Variants in DACH1 observed in about 807,000 individuals in gnomAD.
DACH1 encodes the protein dachshund family transcription factor 1.
In DACH1, 12 loss-of-function variants were observed where a neutral mutation model predicts 54.2. The ratio of observed to expected loss-of-function variants is 0.22; its 90% confidence interval spans 0.14 to 0.36. DACH1 has a LOEUF of 0.36. DACH1 is among the 10% of genes least tolerant of loss of function. DACH1 has a pLI of 1.00. For missense variants in DACH1, 805 were observed against 929.8 expected (o/e 0.87, Z 1.75); for synonymous variants, 386 against 366.2 (o/e 1.05, Z -0.62).
chr13:71,525,986 C>G (rs186155836), intron 6 of DACH1, among the ~76,000 whole-genome samples: 1 of 152,040 alleles, frequency 6.6e-6, no homozygotes, highest in South Asian at 2.1e-4. Flanking sequence ...GAAGCTCTAA[C>G]CTTAAAGACA....
At chr13:71,503,942 G>A (rs1214992426) in intron 6 of DACH1, among the ~76,000 whole-genome samples, 3 of 152,162 alleles carry the variant, frequency 2.0e-5, no homozygotes, top group Non-Finnish European at 4.4e-5. Flanking sequence ...AAAGTTAAGA[G>A]TGTATGTTTA....
chr13:71,572,862 C>T lies in DACH1; in HGVS notation c.1277G>A (p.Arg426Lys). 1.2e-6 allele frequency: 2 copies of T among 1,612,950 alleles called. No individual in the cohort carries two copies. Among genetic ancestry groups the T allele is most frequent in the Non-Finnish European group, 1.7e-6 (2 of 1,179,518 alleles). Residue 426 changes from arginine to lysine, a missense_variant, in exon 4 of 11, where the codon AGA becomes AAA. By Grantham distance (26) the Arg-to-Lys change is conservative. Around this residue, in one of 3 missense-constraint regions of DACH1, gnomAD observed 472 missense variants for 545.3 expected, o/e 0.87. Coordinates refer to ENST00000613252, the MANE Select transcript of DACH1 (RefSeq NM_080759.6). Reference protein sequence around the residue: ...AAAQVQSPPSRVETSVIKERV... With the variant: ...AAAQVQSPPSKVETSVIKERV... ...TACCTTAATAACTGATGTCTCAACT[C>T]TGGATGGGGGACTCTGAACTTGTGC...
At chr13:71,530,740 A>AT (rs1469401954) in intron 6 of DACH1, among the ~76,000 whole-genome samples, 1 of 152,200 alleles carries the variant, frequency 6.6e-6, no homozygotes, top group African/African-American at 2.4e-5. Flanking sequence ...CATATCCTTA[A>AT]TATTAGAAAC....
intron 1 of DACH1, among the ~76,000 whole-genome samples, chr13:71,799,954 T>C (rs1168247007): frequency 1.3e-5 from 2 of 152,110 alleles, no homozygotes; most frequent in Non-Finnish European, 2.9e-5. Flanking sequence ...ACTTTTTCTA[T>C]TTATGTTTAG....
intron 10 of DACH1, among the ~76,000 whole-genome samples, chr13:71,446,966 A>T (rs2138105997): frequency 6.6e-6 from 1 of 152,362 alleles, no homozygotes; most frequent in East Asian, 1.9e-4. Flanking sequence ...AGTCTGTTCT[A>T]ATTAAAAGCA....
chr13:71,808,739 T>C (rs1379801819), intron 1 of DACH1, among the ~76,000 whole-genome samples: 1 of 152,158 alleles, frequency 6.6e-6, no homozygotes, highest in African/African-American at 2.4e-5. Flanking sequence ...GGTAAAACTT[T>C]CAAAAAATGC....
intron 3 of DACH1, among the ~76,000 whole-genome samples, chr13:71,630,011 G>GA (rs570909933): frequency 1.1e-4 from 17 of 151,520 alleles, no homozygotes; most frequent in African/African-American, 2.7e-4. Flanking sequence ...TGGTAGGAAA[G>GA]AAAAAAAATC....
At chr13:71,754,966 G>A (rs1885084178) in intron 1 of DACH1, among the ~76,000 whole-genome samples, 1 of 152,070 alleles carries the variant, frequency 6.6e-6, no homozygotes, top group African/African-American at 2.4e-5. Flanking sequence ...GGGGCCGGGG[G>A]GAAATCATCA....
intron 1 of DACH1, among the ~76,000 whole-genome samples, chr13:71,827,727 G>C (rs922162692): frequency 3.3e-5 from 5 of 152,064 alleles, no homozygotes; most frequent in African/African-American, 9.7e-5. Flanking sequence ...TAAAACTTCA[G>C]ACTGTGCATG....
intron 1 of DACH1, among the ~76,000 whole-genome samples, chr13:71,775,127 CTTTTTTT>C (rs767902341): frequency 1.3e-3 from 72 of 54,018 alleles, no homozygotes; most frequent in African/African-American, 4.8e-3. Context: ...TCAACACAAG[CTTTTTTT>C]TTTTTTTTTT....
intron 10 of DACH1, among the ~76,000 whole-genome samples, chr13:71,444,720 A>C (rs1874294639): frequency 6.6e-6 from 1 of 152,200 alleles, no homozygotes; most frequent in African/African-American, 2.4e-5. Flanking sequence ...ATAATTATTT[A>C]AAAGACCCAT....
Position 71,475,151 on chromosome 13 carries a change from C to A in DACH1, c.2073G>T (p.Arg691Ser), listed in dbSNP as rs1566281212. The change falls in exon 10 of 11, where the codon AGG becomes AGT. Residue 691 changes from arginine to serine, a missense_variant. Transcript: ENST00000613252. ...DRSGGRTDAE[R>S]TIQDGRLYLK... ...TCTGCAAATTCCTACCTTGTATTGT[C>A]CTTTCAGCATCTGTTCTGCCGCCAC... 1 of 1,613,906 alleles carries A rather than the reference C, an allele frequency of 6.2e-7. No individual in the cohort carries two copies. Among genetic ancestry groups the A allele is most frequent in the Admixed American group, 1.7e-5 (1 of 60,006 alleles).
intron 6 of DACH1, among the ~76,000 whole-genome samples, chr13:71,518,792 G>A (rs963996397): frequency 4.6e-5 from 7 of 151,784 alleles, no homozygotes; most frequent in African/African-American, 1.7e-4. Flanking sequence ...TTTAGAACAA[G>A]GGTAGGCAAA....
chr13:71,725,302 A>T (rs1024449736), intron 1 of DACH1, among the ~76,000 whole-genome samples: 8 of 152,160 alleles, frequency 5.3e-5, no homozygotes, highest in Non-Finnish European at 8.8e-5. Flanking sequence ...TGAGTTTCAA[A>T]AAAGAAGACA....
At chr13:71,805,118 G>A (rs780680272) in intron 1 of DACH1, among the ~76,000 whole-genome samples, 10 of 152,146 alleles carry the variant, frequency 6.6e-5, no homozygotes, top group South Asian at 4.1e-4. Flanking sequence ...CAAATGGGGC[G>A]TAGAATATTT....
At chr13:71,629,328 C>T (rs982223830) in intron 3 of DACH1, among the ~76,000 whole-genome samples, 13 of 152,000 alleles carry the variant, frequency 8.6e-5, no homozygotes, top group African/African-American at 2.2e-4. Flanking sequence ...TCTTTTCATC[C>T]GTCTAGGAAC....
intron 1 of DACH1, among the ~76,000 whole-genome samples, chr13:71,695,741 TAA>T (rs1881795884): frequency 6.6e-6 from 1 of 152,218 alleles, no homozygotes; most frequent in African/African-American, 2.4e-5. Flanking sequence ...TCCTTTGAGA[TAA>T]TCACCAAGGC....
chr13:71,829,487 T>A (rs2138202900), intron 1 of DACH1, among the ~76,000 whole-genome samples: 1 of 152,052 alleles, frequency 6.6e-6, no homozygotes, highest in South Asian at 2.1e-4. Flanking sequence ...CTGTATAAAT[T>A]TATACAAAAT....
Position 71,485,061 on chromosome 13 carries a change from T to A in DACH1, c.1722+3936A>T, listed in dbSNP as rs1217383048. Among the ~76,000 whole-genome samples, 255 of 141,890 alleles carry A rather than the reference T, an allele frequency of 1.8e-3. 1 individual carries two copies. The highest frequency in any genetic ancestry group is 6.0e-3 in the African/African-American group (234 of 38,708). The allele number at this position is 141,890 out of a possible 152,430, so 93.1% of individuals were successfully genotyped here. A position where few individuals can be genotyped will look rare whatever the true frequency, so the allele number is the denominator to read the frequency against. ...ACAGAGGGAGACTCCGTCTTAAATT[T>A]AAAAAAAAAAAAAGAAAAAAGAGTA... On this transcript the variant is annotated intron_variant, in intron 7 of 10. Coordinates refer to ENST00000613252, the MANE Select transcript of DACH1 (RefSeq NM_080759.6).
Sources: allele counts gnomAD v4.1 joint callset (sites outside exome capture counted in the v4.1 genomes callset), GRCh38; gene constraint gnomAD v4.1.1; regional missense constraint gnomAD v4.1.1; transcripts MANE v1.5; gene names NCBI Gene and HGNC (gene_info 2026-07-23, HGNC 2026-07-21).